HECW2: variants seen among roughly 807,000 people sequenced by gnomAD.
HECW2 encodes E3 ubiquitin-protein ligase HECW2.
HECW2 carries 61 observed loss-of-function variants against 175.2 expected under a neutral mutation model. The ratio of observed to expected loss-of-function variants is 0.35; its 90% confidence interval spans 0.28 to 0.43. The LOEUF (loss-of-function observed/expected upper bound fraction) is 0.43. Ranked by LOEUF, HECW2 falls within the 20% of genes least tolerant of loss-of-function variation. HECW2 has a pLI of 1.00. For missense variants in HECW2, 1,524 were observed against 2,000.5 expected, an observed-to-expected ratio of 0.76 and a Z score of 4.54; for synonymous variants, 671 against 731.0, an observed-to-expected ratio of 0.92 and a Z score of 1.32.
At chr2:196,291,506 G>A (rs1690602874) in intron 14 of HECW2, 1 of 152,150 alleles carries the variant, frequency 6.6e-6, no homozygotes, top group Non-Finnish European at 1.5e-5. Flanking sequence ...ACAAATATTT[G>A]TTGAACAAAC....
chr2:196,300,411 T>C (rs1310201251), intron 13 of HECW2, among the ~76,000 whole-genome samples: 4 of 152,228 alleles, frequency 2.6e-5, no homozygotes, highest in African/African-American at 7.2e-5. Flanking sequence ...TGCTGTTACA[T>C]TGCAAATAGC....
chr2:196,382,902 T>C (rs1409781721), intron 2 of HECW2, among the ~76,000 whole-genome samples: 1 of 152,220 alleles, frequency 6.6e-6, no homozygotes, highest in Non-Finnish European at 1.5e-5. Flanking sequence ...TTCTATTTTC[T>C]GTATTTTAAA....
chr2:196,489,512 G>A (rs963867843), intron 1 of HECW2, among the ~76,000 whole-genome samples: 4 of 152,086 alleles, frequency 2.6e-5, no homozygotes, highest in Non-Finnish European at 4.4e-5. Context: ...AAGTCCCACA[G>A]GGTTAACATA....
chr2:196,363,588 T>C (rs1253319341), intron 2 of HECW2, among the ~76,000 whole-genome samples: 1 of 152,168 alleles, frequency 6.6e-6, no homozygotes, highest in Non-Finnish European at 1.5e-5. Flanking sequence ...CCAAGCACTT[T>C]GGGAGGCCAA....
At chr2:196,408,808 G>A (rs1249372369) in intron 2 of HECW2, among the ~76,000 whole-genome samples, 1 of 152,208 alleles carries the variant, frequency 6.6e-6, no homozygotes, top group Non-Finnish European at 1.5e-5. Context: ...TAGGATCTGA[G>A]GAATGCTGGA....
At chr2:196,549,445 T>A (rs940568474) in intron 1 of HECW2, among the ~76,000 whole-genome samples, 1 of 152,160 alleles carries the variant, frequency 6.6e-6, no homozygotes, top group African/African-American at 2.4e-5. Context: ...GATATTGTAA[T>A]ACATTATTTA....
chr2:196,231,581 T>C (rs574646529), intron 21 of HECW2, among the ~76,000 whole-genome samples: 2 of 152,222 alleles, frequency 1.3e-5, no homozygotes, highest in African/African-American at 2.4e-5. Context: ...GTAGGTGCCA[T>C]AGAGGTTTGA....
At chr2:196,543,502 C>T (rs558850849) in intron 1 of HECW2, among the ~76,000 whole-genome samples, 6 of 152,032 alleles carry the variant, frequency 3.9e-5, no homozygotes, top group Non-Finnish European at 8.8e-5. Context: ...TGTGCAGATG[C>T]GAGGTAATTA....
Position 196,334,410 on chromosome 2 carries a change from C to G in HECW2, c.495+14G>C. The G allele has an allele frequency of 1.9e-6, 3 of 1,591,534 alleles. No individual in the cohort carries two copies. The highest frequency in any genetic ancestry group is 2.6e-6 in the Non-Finnish European group (3 of 1,167,326). On this transcript the variant is annotated intron_variant, in intron 4 of 28. Coordinates refer to ENST00000644978, the MANE Select transcript of HECW2 (RefSeq NM_001348768.2). ...ATGGATCTCACAAGGAAGCTGGCAG[C>G]GAGGGGCACTCACCATCACAGCTGG...
intron 22 of HECW2, among the ~76,000 whole-genome samples, 177 bp from the exon 23 acceptor site, chr2:196,226,047 C>A (rs569442377): frequency 9.9e-5 from 15 of 152,262 alleles, no homozygotes; most frequent in African/African-American, 3.4e-4. Flanking sequence ...GCCAGTGGTA[C>A]AGTTTGTATA....
intron 1 of HECW2, among the ~76,000 whole-genome samples, chr2:196,450,314 G>A (rs1406263249): frequency 6.6e-6 from 1 of 152,060 alleles, no homozygotes; most frequent in Non-Finnish European, 1.5e-5. Context: ...GAGTGGCAGG[G>A]AAAGAAAGAA....
chr2:196,274,886 T>C (rs990906473), intron 15 of HECW2, among the ~76,000 whole-genome samples: 2 of 152,190 alleles, frequency 1.3e-5, no homozygotes, highest in Non-Finnish European at 2.9e-5. Flanking sequence ...TTTAGCATTT[T>C]CCCCCATATT....
chr2:196,454,575 T>C (rs939717150), intron 1 of HECW2, among the ~76,000 whole-genome samples: 7 of 152,216 alleles, frequency 4.6e-5, no homozygotes, highest in African/African-American at 1.7e-4. Flanking sequence ...TATCCTAAGC[T>C]GTTGATGAGT....
In HECW2 at chr2:196,194,947, A is replaced by G. The variant is rs1247504095; in HGVS notation, c.*6330T>C. 6.6e-6 allele frequency: 1 copy of G among 152,164 alleles called. No individual in the cohort carries two copies. Among genetic ancestry groups the G allele is most frequent in the East Asian group, 1.9e-4 (1 of 5,200 alleles). The allele number at this position is 152,164 out of a possible 1,614,324, so 9.4% of individuals were successfully genotyped here. On this transcript the variant is annotated 3_prime_UTR_variant, in exon 29 of 29. Coordinates refer to ENST00000644978, the MANE Select transcript of HECW2 (RefSeq NM_001348768.2). Reference sequence around the variant, plus strand: ...AGAGCCTTAATATTAAAAAGTAATCATTACTATAAAATTAGATTAATACTT... The same window carrying G: ...AGAGCCTTAATATTAAAAAGTAATCGTTACTATAAAATTAGATTAATACTT...
At chr2:196,325,332 G>C (rs1045552734) in intron 5 of HECW2, among the ~76,000 whole-genome samples, 183 bp from the exon 6 acceptor site, 1 of 152,148 alleles carries the variant, frequency 6.6e-6, no homozygotes, top group Non-Finnish European at 1.5e-5. Context: ...AACAGAAACG[G>C]CTCTGTAACA....
At chr2:196,366,726 G>A (rs776781527) in intron 2 of HECW2, among the ~76,000 whole-genome samples, 5 of 152,080 alleles carry the variant, frequency 3.3e-5, no homozygotes, top group South Asian at 2.1e-4. Context: ...TTGTGTTAAC[G>A]TTGCATTAAC....
chr2:196,378,977 G>A (rs906649101), intron 2 of HECW2, among the ~76,000 whole-genome samples: 1 of 151,682 alleles, frequency 6.6e-6, no homozygotes, highest in Non-Finnish European at 1.5e-5. Context: ...CATCCTTGGG[G>A]AAAAACATTA....
intron 2 of HECW2, among the ~76,000 whole-genome samples, chr2:196,377,144 C>A (rs73053789): frequency 6.6e-6 from 1 of 152,066 alleles, no homozygotes; most frequent in African/African-American, 2.4e-5. Flanking sequence ...GTTAGTGCCA[C>A]GGAAAAGTAG....
At chr2:196,454,934 T>C (rs781336565) in intron 1 of HECW2, among the ~76,000 whole-genome samples, 4 of 152,242 alleles carry the variant, frequency 2.6e-5, no homozygotes, top group Admixed American at 6.5e-5. Context: ...GTACTTATTA[T>C]ATGAGATATT....
Sources: allele counts gnomAD v4.1 joint callset (sites outside exome capture counted in the v4.1 genomes callset), GRCh38; gene constraint gnomAD v4.1.1; transcripts MANE v1.5; gene names NCBI Gene and HGNC (gene_info 2026-07-23, HGNC 2026-07-21).